Variants in ODR4 observed in about 807,000 individuals in gnomAD.
The protein encoded by ODR4 is protein odr-4 homolog.
Under a neutral mutation model 60.2 loss-of-function variants are expected in ODR4, and 47 were observed. The observed-to-expected ratio is 0.78, with a 90% CI of 0.62 to 1.00. The LOEUF (loss-of-function observed/expected upper bound fraction) is 1.00, where lower values mean the gene tolerates loss of function less well. ODR4 is among the 50% of genes least tolerant of loss of function. ODR4 has a pLI of 0.00. For synonymous variants in ODR4, 178 were observed against 175.5 expected, an observed-to-expected ratio of 1.01 and a Z score of -0.11; for missense variants, 488 against 530.8, an observed-to-expected ratio of 0.92 and a Z score of 0.79.
the ODR4 span, among the ~76,000 whole-genome samples, chr1:186,430,993 A>G: frequency 6.6e-6 from 1 of 152,132 alleles, no homozygotes; most frequent in Non-Finnish European, 1.5e-5. Context: ...TAGAAACAAG[A>G]TAGATGACTG....
chr1:186,411,925 C>T (rs1661395768), intron 12 of ODR4: 3 of 584,348 alleles, frequency 5.1e-6, no homozygotes, highest in Non-Finnish European at 6.5e-6. Context: ...CCATATTAAA[C>T]TCATGGTTTC....
At chr1:186,424,442 CGTTCTTGAGT>C (rs1245446098), downstream of ODR4, among the ~76,000 whole-genome samples, 1 of 152,084 alleles carries the variant, frequency 6.6e-6, no homozygotes, top group Non-Finnish European at 1.5e-5. Flanking sequence ...GTGATACTTT[CGTTCTTGAGT>C]AATGGGTTTC....
At chr1:186,377,143 C>T (rs1252875796) in intron 1 of ODR4, among the ~76,000 whole-genome samples, 1 of 152,076 alleles carries the variant, frequency 6.6e-6, no homozygotes, top group African/African-American at 2.4e-5. Flanking sequence ...ACTTATAATA[C>T]CTAATACAAT....
rs1661714214 is a variant in ODR4, at chr1:186,419,792, A to G, written c.*716A>G. 2 of 152,148 alleles carry G rather than the reference A, an allele frequency of 1.3e-5. No individual in the cohort carries two copies. Among genetic ancestry groups the G allele is most frequent in the South Asian group, 2.1e-4 (1 of 4,824 alleles). The allele number at this position is 152,148 out of a possible 1,614,324, so 9.4% of individuals were successfully genotyped here. On this transcript the variant is annotated 3_prime_UTR_variant, in exon 14 of 14. Coordinates refer to ENST00000287859, the MANE Select transcript of ODR4 (RefSeq NM_017847.6). ...TGATGTAACATCTTAATAATAGAGC[A>G]CCAGAAAAATTTCTACCAAATGAGA...
intron 9 of ODR4, among the ~76,000 whole-genome samples, chr1:186,396,720 T>TATAGATAGATAGATAGATAGATAG (rs71104855): frequency 1.4e-5 from 2 of 144,782 alleles, no homozygotes; most frequent in African/African-American, 2.5e-5. Context: ...ATGCCATAAT[T>TATAGATAGATAGATAGATAGATAG]ATAGATAGAT....
At chr1:186,376,334 CA>C (rs1215591061) in intron 1 of ODR4, among the ~76,000 whole-genome samples, 4 of 152,162 alleles carry the variant, frequency 2.6e-5, no homozygotes, top group Non-Finnish European at 5.9e-5. Flanking sequence ...TTTTTAAACA[CA>C]TTGTTAATTT....
chr1:186,395,052 G>C (rs1003445236), intron 9 of ODR4, among the ~76,000 whole-genome samples: 1 of 152,184 alleles, frequency 6.6e-6, no homozygotes, highest in Non-Finnish European at 1.5e-5. Context: ...AATATAGAGA[G>C]ATGAGTGGAA....
At chr1:186,430,961 TGAAAG>T in the ODR4 span, among the ~76,000 whole-genome samples, 2 of 151,772 alleles carry the variant, frequency 1.3e-5, no homozygotes, top group Admixed American at 6.6e-5. Flanking sequence ...AACATACTGA[TGAAAG>T]GGAATAATTA....
chr1:186,383,191 T>C (rs1297062917), intron 3 of ODR4, 35 bp downstream of exon 3: 2 of 1,528,506 alleles, frequency 1.3e-6, no homozygotes, highest in Admixed American at 2.2e-5. Context: ...GTTTAAGTTT[T>C]ATTTCAAAAA....
At chr1:186,378,935 G>A (rs1465992436) in intron 1 of ODR4, among the ~76,000 whole-genome samples, 1 of 152,210 alleles carries the variant, frequency 6.6e-6, no homozygotes, top group Non-Finnish European at 1.5e-5. Context: ...CAAGGACAGA[G>A]ATTGTGTTGC....
At chr1:186,407,074 C>A (rs1174144610) in intron 12 of ODR4, among the ~76,000 whole-genome samples, 1 of 152,038 alleles carries the variant, frequency 6.6e-6, no homozygotes, top group Non-Finnish European at 1.5e-5. Flanking sequence ...AGTAAACTGC[C>A]TCAAGTTAGT....
At position 186,386,059 on chromosome 1, in the gene ODR4, T is replaced by C; in HGVS notation, c.306T>C (p.Asn102=). The part of the protein sequence containing the change: ...VFIITTLELA[N]DFQNALRRLM... ...TTATTACTACTTTAGAACTGGCAAA[T>C]GATTTTCAAAATGCCCTGCGTAGAG... Residue 102 remains asparagine (N), a synonymous_variant, in exon 4 of 14, where the codon AAT becomes AAC. Transcript: ENST00000287859. The C allele has an allele frequency of 3.7e-6, 6 of 1,600,026 alleles. No homozygotes were observed. Among genetic ancestry groups the C allele is most frequent in the Non-Finnish European group, 4.3e-6 (5 of 1,171,692 alleles).
chr1:186,399,098 A>C, intron 11 of ODR4, 54 bp downstream of exon 11: 3 of 1,045,570 alleles, frequency 2.9e-6, no homozygotes, highest in South Asian at 2.7e-5. Flanking sequence ...TATAGTAATA[A>C]GATATCAAGA....
downstream of ODR4, among the ~76,000 whole-genome samples, chr1:186,425,271 T>C (rs1436117801): frequency 2.0e-5 from 3 of 152,202 alleles, no homozygotes; most frequent in Non-Finnish European, 4.4e-5. Context: ...ACAAGTTTTC[T>C]TTCCCATATT....
intron 8 of ODR4, among the ~76,000 whole-genome samples, chr1:186,392,734 G>A (rs1317891861): frequency 6.6e-6 from 1 of 152,128 alleles, no homozygotes; most frequent in Non-Finnish European, 1.5e-5. Context: ...CAGGCGTGGT[G>A]GCTCATGCCT....
At chr1:186,430,920 A>G in the ODR4 span, among the ~76,000 whole-genome samples, 1 of 151,964 alleles carries the variant, frequency 6.6e-6, no homozygotes, top group African/African-American at 2.4e-5. Context: ...TCTAAGCCTA[A>G]ATATTACTGT....
chr1:186,427,023 C>A, the ODR4 span, among the ~76,000 whole-genome samples: 1 of 152,130 alleles, frequency 6.6e-6, no homozygotes. Flanking sequence ...ATCTTTTTGA[C>A]CTTCAGTCAT....
chr1:186,405,540 G>A (rs919026596), intron 11 of ODR4, among the ~76,000 whole-genome samples: 1 of 152,064 alleles, frequency 6.6e-6, no homozygotes, highest in South Asian at 2.1e-4. Context: ...TGAAGGCAAT[G>A]ATAAGTTTAT....
At chr1:186,414,811 C>T (rs1472673115) in intron 12 of ODR4, among the ~76,000 whole-genome samples, 1 of 152,004 alleles carries the variant, frequency 6.6e-6, no homozygotes, top group Non-Finnish European at 1.5e-5. Context: ...TGAGCCACTA[C>T]GTCCGGCCAA....
Sources: gnomAD v4.1 joint callset for allele counts (sites outside exome capture counted in the v4.1 genomes callset) on GRCh38, gnomAD v4.1.1 for gene constraint, MANE v1.5 for transcripts, NCBI Gene and HGNC (gene_info 2026-07-23, HGNC 2026-07-21) for gene names.